The following PRG4 variants were observed in gnomAD, a reference collection of about 807,000 sequenced individuals.
The protein encoded by PRG4 is proteoglycan 4, also known as articular superficial zone protein.
PRG4 carries 61 observed loss-of-function variants against 91.2 expected under a neutral mutation model. That is an observed-to-expected ratio of 0.67 (90% CI 0.54 to 0.83). The LOEUF (loss-of-function observed/expected upper bound fraction) is 0.83. PRG4 is among the 40% of genes least tolerant of loss of function. The pLI is 0.00. For synonymous variants in PRG4, 576 were observed against 614.2 expected, an observed-to-expected ratio of 0.94 and a Z score of 0.92; for missense variants, 1,564 against 1,714.2, an observed-to-expected ratio of 0.91 and a Z score of 1.55.
In PRG4 at chr1:186,307,527, C is replaced by T. The variant is rs1328037940; in HGVS notation, c.1808C>T (p.Thr603Ile). 2 of 1,573,992 alleles carry T rather than the reference C, an allele frequency of 1.3e-6. No homozygotes were observed. Among genetic ancestry groups the T allele is most frequent in the Non-Finnish European group, 1.7e-6 (2 of 1,150,354 alleles). Residue 603 changes from threonine to isoleucine, a missense_variant, in exon 7 of 13, where the codon ACC (threonine) becomes ATC (isoleucine). By Grantham distance (89) the Thr-to-Ile change is moderately conservative. This residue lies in a region of PRG4 where 1,079 missense variants were observed against 1,162.2 expected (regional missense o/e 0.93). Coordinates refer to ENST00000445192, the MANE Select transcript of PRG4 (RefSeq NM_005807.6). ...APTTTKKPAP[T>I]TPKEPAPTTP... ...ACCACCACCAAGAAGCCTGCACCCACCACTCCCAAAGAGCCTGCCCCAACT... is the reference window on the plus strand; with the variant it reads ...ACCACCACCAAGAAGCCTGCACCCATCACTCCCAAAGAGCCTGCCCCAACT...
In PRG4 at chr1:186,307,744, C is replaced by A. The variant is rs1656821643; in HGVS notation, c.2025C>A (p.Asn675Lys). The A allele has an allele frequency of 1.9e-6, 3 of 1,608,706 alleles. No individual in the cohort carries two copies. Among genetic ancestry groups the A allele is most frequent in the Non-Finnish European group, 1.7e-6 (2 of 1,178,626 alleles). ...APTTPKAAAP[N>K]TPKEPAPTTP... ...CCACTCCCAAGGCAGCGGCTCCCAA[C>A]ACCCCTAAGGAGCCTGCTCCAACTA... The change falls in exon 7 of 13, where the codon AAC (asparagine) becomes AAA (lysine). Residue 675 changes from asparagine to lysine, a missense_variant. Around this residue, in one of 3 missense-constraint regions of PRG4, gnomAD observed 1,079 missense variants for 1,162.2 expected, o/e 0.93. Transcript: ENST00000445192.
chr1:186,305,658 A>G (rs1230554612), intron 6 of PRG4, among the ~76,000 whole-genome samples: 1 of 152,242 alleles, frequency 6.6e-6, no homozygotes, highest in Non-Finnish European at 1.5e-5. Context: ...AGTCACCCAG[A>G]AAATCGTGCA....
rs1194819780 is a variant in PRG4, at chr1:186,314,300, A to T, written c.*522A>T. Reference sequence around the variant, plus strand: ...ATCACAAAGCTTTATCGTGTTGTATAAAAAAATTAACAATATAATGGCAAT... The same window carrying T: ...ATCACAAAGCTTTATCGTGTTGTATTAAAAAATTAACAATATAATGGCAAT... On this transcript the variant is annotated 3_prime_UTR_variant, in exon 13 of 13. Coordinates refer to ENST00000445192, the MANE Select transcript of PRG4 (RefSeq NM_005807.6). 3.7e-5 allele frequency: 15 copies of T among 401,880 alleles called. No individual in the cohort carries two copies. The highest frequency in any genetic ancestry group is 6.2e-5 in the Non-Finnish European group (14 of 226,988). The allele number at this position is 401,880 out of a possible 1,614,324, so 24.9% of individuals were successfully genotyped here.
chr1:186,304,079 G>A (rs1656390397), intron 4 of PRG4, 29 bp from the exon 5 acceptor site: 4 of 1,611,974 alleles, frequency 2.5e-6, no homozygotes, highest in African/African-American at 2.7e-5. Flanking sequence ...TAAACAAGAT[G>A]TTAACTGACT....
chr1:186,312,582 T>A (rs1413511125), intron 11 of PRG4, 187 bp from the exon 12 acceptor site: 1 of 785,024 alleles, frequency 1.3e-6, no homozygotes, highest in Non-Finnish European at 2.0e-6. Context: ...TTTGTTCAGG[T>A]TTGTTAGTTA....
At chr1:186,312,697 G>C (rs1243409536) in intron 11 of PRG4, 72 bp from the exon 12 acceptor site, 2 of 1,495,544 alleles carry the variant, frequency 1.3e-6, no homozygotes, top group African/African-American at 1.4e-5. Flanking sequence ...TTAAAACTCA[G>C]ATGTCTGGCT....
intron 10 of PRG4, 128 bp from the exon 11 acceptor site, chr1:186,312,044 TTAA>T (rs1268355262): frequency 3.7e-5 from 26 of 706,566 alleles, no homozygotes; most frequent in Admixed American, 1.3e-4. Context: ...ATAGCCATTA[TTAA>T]TATCAATATA....
chr1:186,308,998 G>A lies in PRG4; in HGVS notation c.3279G>A (p.Lys1093=). 1 of 1,609,790 alleles carries A rather than the reference G, an allele frequency of 6.2e-7. No individual in the cohort carries two copies. Among genetic ancestry groups the A allele is most frequent in the Non-Finnish European group, 8.5e-7 (1 of 1,177,624 alleles). The part of the protein sequence containing the change: ...PNSKLVEVNP[K]SEDAGGAEGE... ...CCAAACTAGTTGAAGTAAATCCAAAGAGTGAAGATGCAGGTGGTGCTGAAG... is the reference window on the plus strand; with the variant it reads ...CCAAACTAGTTGAAGTAAATCCAAAAAGTGAAGATGCAGGTGGTGCTGAAG... Residue 1093 remains lysine, a synonymous_variant, in exon 7 of 13, where the codon AAG becomes AAA. Coordinates refer to ENST00000445192, the MANE Select transcript of PRG4 (RefSeq NM_005807.6).
Position 186,300,200 on chromosome 1 carries a change from AG to A in PRG4, c.187del (p.Val63SerfsTer87). The part of the protein sequence containing the change: ...YMECCPDFKR[V>X]CTAELSCKGR... ...TGGAGTGCTGCCCTGATTTCAAGAGAGTCTGCACTGCGGGTAAGTCCTGAGA... is the reference window on the plus strand; with the variant it reads ...TGGAGTGCTGCCCTGATTTCAAGAGATCTGCACTGCGGGTAAGTCCTGAGA... On this transcript the variant is annotated frameshift_variant, in exon 3 of 13. Coordinates refer to ENST00000445192, the MANE Select transcript of PRG4 (RefSeq NM_005807.6). LOFTEE classifies it high-confidence loss of function. The A allele has an allele frequency of 6.2e-7, 1 of 1,614,120 alleles. No individual in the cohort carries two copies. The highest frequency in any genetic ancestry group is 8.5e-7 in the Non-Finnish European group (1 of 1,180,036).
Position 186,307,573 on chromosome 1 carries a change from C to T in PRG4, c.1854C>T (p.Pro618=), listed in dbSNP as rs1278922384. The T allele has an allele frequency of 1.2e-6, 2 of 1,600,210 alleles. No individual in the cohort carries two copies. The highest frequency in any genetic ancestry group is 8.5e-7 in the Non-Finnish European group (1 of 1,174,436). Residue 618 remains proline (P), a synonymous_variant, in exon 7 of 13, where the codon CCC becomes CCT. Coordinates refer to ENST00000445192, the MANE Select transcript of PRG4 (RefSeq NM_005807.6). Reference sequence around the variant, plus strand: ...CAACTACCCCCAAGGAGACTGCACCCACCACCCCCAAGAAGCTCACGCCCA... The same window carrying T: ...CAACTACCCCCAAGGAGACTGCACCTACCACCCCCAAGAAGCTCACGCCCA... The part of the protein sequence containing the change: ...PAPTTPKETA[P]TTPKKLTPTT...
Position 186,312,764 on chromosome 1 carries a change from TA to T in PRG4, c.3992-4del. 1 of 1,612,684 alleles carries T rather than the reference TA, an allele frequency of 6.2e-7. No homozygotes were observed. The highest frequency in any genetic ancestry group is 2.2e-5 in the East Asian group (1 of 44,850). ...GGTATCTTTTATTAAACATGCCACTTACAGGTGTCCTTCATAATGAAGTTAA... is the reference window on the plus strand; with the variant it reads ...GGTATCTTTTATTAAACATGCCACTTCAGGTGTCCTTCATAATGAAGTTAA... On this transcript the variant is annotated splice_polypyrimidine_tract_variant and splice_region_variant and intron_variant, in intron 11 of 12. Transcript: ENST00000445192.
Position 186,308,571 on chromosome 1 carries a change from C to T in PRG4, c.2852C>T (p.Ser951Phe). The change falls in exon 7 of 13, where the codon TCC (serine) becomes TTC (phenylalanine). Residue 951 changes from serine (S) to phenylalanine (F), a missense_variant. Ser to Phe is a radical substitution (Grantham distance 155). Coordinates refer to ENST00000445192, the MANE Select transcript of PRG4 (RefSeq NM_005807.6). ...TATTTEKTTE[S>F]KITATTTQVT... ...ACTACAACAGAAAAAACTACCGAAT[C>T]CAAAATAACAGCTACAACCACACAA... The T allele has an allele frequency of 6.2e-7, 1 of 1,613,598 alleles. No individual in the cohort carries two copies. The highest frequency in any genetic ancestry group is 8.5e-7 in the Non-Finnish European group (1 of 1,180,018).
chr1:186,306,814 G>A lies in PRG4; in HGVS notation c.1095G>A (p.Glu365=). 1 of 1,607,712 alleles carries A rather than the reference G, an allele frequency of 6.2e-7. No homozygotes were observed. The highest frequency in any genetic ancestry group is 1.4e-5 in the African/African-American group (1 of 72,988). ...PKEPASTTPK[E]PTPTTIKSAP... ...AGCCTGCATCTACCACACCCAAAGA[G>A]CCCACACCTACCACCATCAAGTCTG... The change falls in exon 7 of 13, where the codon GAG becomes GAA. Residue 365 remains glutamate, a synonymous_variant. Transcript: ENST00000445192.
rs565670093 is a variant in PRG4 at position 186,298,859 on chromosome 1, CTCTTTTT to C, written c.77-1226_77-1220del. Among the ~76,000 whole-genome samples the C allele has an allele frequency of 1.6e-4, 24 of 152,080 alleles. No individual in the cohort carries two copies. The East Asian group carries it at 4.4e-3, about 28-fold the overall frequency. On this transcript the variant is annotated intron_variant, in intron 2 of 12. Coordinates refer to ENST00000445192, the MANE Select transcript of PRG4 (RefSeq NM_005807.6). ...CTTGCTTTCTCAACCTCTTCTCATTCTCTTTTTTCTTTATATATAATATATGTATTTA... is the reference window on the plus strand; with the variant it reads ...CTTGCTTTCTCAACCTCTTCTCATTCTCTTTATATATAATATATGTATTTA...
chr1:186,308,740 A>G lies in PRG4; in HGVS notation c.3021A>G (p.Pro1007=). 6.2e-7 allele frequency: 1 copy of G among 1,613,928 alleles called. No homozygotes were observed. Among genetic ancestry groups the G allele is most frequent in the Admixed American group, 1.7e-5 (1 of 60,028 alleles). ...ACAAACCTGAAGAAACAGCTAAACC[A>G]AAAGACAGAGCTACTAATTCTAAAG... ...IMNKPEETAK[P]KDRATNSKAT... Residue 1007 remains proline, a synonymous_variant, in exon 7 of 13, where the codon CCA becomes CCG. Coordinates refer to ENST00000445192, the MANE Select transcript of PRG4 (RefSeq NM_005807.6).
chr1:186,302,830 A>T (rs1656308338), intron 4 of PRG4, among the ~76,000 whole-genome samples: 1 of 152,220 alleles, frequency 6.6e-6, no homozygotes, highest in African/African-American at 2.4e-5. Context: ...CTAGGGAGTG[A>T]AGATGGTTAG....
Position 186,313,687 on chromosome 1 carries a change from A to C in PRG4, c.4124A>C (p.Tyr1375Ser). 1 of 1,583,230 alleles carries C rather than the reference A, an allele frequency of 6.3e-7. No individual in the cohort carries two copies. Among genetic ancestry groups the C allele is most frequent in the Non-Finnish European group, 8.7e-7 (1 of 1,152,106 alleles). ...YDYYAFSKDQ[Y>S]YNIDVPSRTA... is the part of the protein sequence containing the mutation. ...TGTTTTCTCTTCCATTTAGATCAATACTATAACATTGATGTGCCTAGTAGA... is the reference window on the plus strand; with the variant it reads ...TGTTTTCTCTTCCATTTAGATCAATCCTATAACATTGATGTGCCTAGTAGA... Residue 1375 changes from tyrosine to serine, a missense_variant, in exon 13 of 13, where the codon TAC becomes TCC. By Grantham distance (144) the Tyr-to-Ser change is moderately radical. This residue lies in a region of PRG4 where 1,079 missense variants were observed against 1,162.2 expected (regional missense o/e 0.93). Coordinates refer to ENST00000445192, the MANE Select transcript of PRG4 (RefSeq NM_005807.6).
chr1:186,308,876 C>A lies in PRG4; in HGVS notation c.3157C>A (p.Arg1053Ser), dbSNP rs61729245. Residue 1053 changes from arginine to serine, a missense_variant, in exon 7 of 13, where the codon CGC becomes AGC. Physicochemically the swap from Arg to Ser is moderately radical, Grantham distance 110. Transcript: ENST00000445192. Reference sequence around the variant, plus strand: ...AAAACCAAAGACGACACCAACTCCCCGCAAGATGACATCAACAATGCCAGA... The same window carrying A: ...AAAACCAAAGACGACACCAACTCCCAGCAAGATGACATCAACAATGCCAGA... ...VRKPKTTPTPRKMTSTMPELN... is the reference protein window; with the variant it reads ...VRKPKTTPTPSKMTSTMPELN... 7 of 1,613,706 alleles carry A rather than the reference C, an allele frequency of 4.3e-6. No homozygotes were observed. In the South Asian group the frequency reaches 7.7e-5, roughly 18 times the overall value.
chr1:186,303,980 C>A, intron 4 of PRG4, 128 bp from the exon 5 acceptor site: 3 of 955,462 alleles, frequency 3.1e-6, no homozygotes, highest in South Asian at 1.3e-5. Flanking sequence ...TCGTGTTGAG[C>A]TGGAGCCTGC....
Sources: allele counts gnomAD v4.1 joint callset (sites outside exome capture counted in the v4.1 genomes callset), GRCh38; gene constraint gnomAD v4.1.1; regional missense constraint gnomAD v4.1.1; transcripts MANE v1.5; gene names NCBI Gene and HGNC (gene_info 2026-07-23, HGNC 2026-07-21).